The following SNCAIP variants were observed in gnomAD, a reference collection of about 807,000 sequenced individuals.
The protein encoded by SNCAIP is synuclein alpha interacting protein, also known as synphilin-1.
In SNCAIP, 43 loss-of-function variants were observed where a neutral mutation model predicts 86.7. The ratio of observed to expected loss-of-function variants is 0.50; its 90% confidence interval spans 0.39 to 0.64. The LOEUF is 0.64. SNCAIP is among the 30% of genes least tolerant of loss of function. SNCAIP has a pLI of 0.00. For synonymous variants in SNCAIP, 417 were observed against 427.2 expected, an observed-to-expected ratio of 0.98 and a Z score of 0.29; for missense variants, 981 against 1,103.1, an observed-to-expected ratio of 0.89 and a Z score of 1.57.
intron 1 of SNCAIP, chr5:122,336,732 C>G (rs981997481): frequency 6.6e-6 from 1 of 152,392 alleles, no homozygotes; most frequent in African/African-American, 2.4e-5. Flanking sequence ...TCCCAAGCAA[C>G]TAGGACCCCA....
intron 10 of SNCAIP, chr5:122,454,651 T>C (rs1467599739): frequency 6.5e-6 from 1 of 152,718 alleles, no homozygotes; most frequent in Non-Finnish European, 1.5e-5. Flanking sequence ...GGAATGTGTT[T>C]TCTGGTGCCT....
intron 1 of SNCAIP, among the ~76,000 whole-genome samples, chr5:122,331,237 A>G (rs961731601): frequency 1.3e-5 from 2 of 152,152 alleles, no homozygotes; most frequent in African/African-American, 4.8e-5. Context: ...AATGCACACA[A>G]TTTATTAAAA....
At chr5:122,407,109 A>C (rs1773162961) in intron 3 of SNCAIP, among the ~76,000 whole-genome samples, 1 of 152,218 alleles carries the variant, frequency 6.6e-6, no homozygotes, top group African/African-American at 2.4e-5. Flanking sequence ...TGAAGCTTAC[A>C]TTCTACTGGC....
intron 6 of SNCAIP, among the ~76,000 whole-genome samples, chr5:122,440,207 T>A (rs1014589683): frequency 3.9e-5 from 6 of 152,186 alleles, no homozygotes; most frequent in African/African-American, 1.4e-4. Flanking sequence ...AATTCAAGGT[T>A]TTATGGTAAC....
At chr5:122,452,189 C>A (rs911644690) in intron 10 of SNCAIP, among the ~76,000 whole-genome samples, 1 of 152,190 alleles carries the variant, frequency 6.6e-6, no homozygotes, top group Non-Finnish European at 1.5e-5. Flanking sequence ...GCTTGCCAGT[C>A]CACAGGGGAT....
intron 1 of SNCAIP, among the ~76,000 whole-genome samples, chr5:122,329,933 T>C (rs913624538): frequency 2.0e-4 from 30 of 152,062 alleles, no homozygotes; most frequent in Non-Finnish European, 4.3e-4. Flanking sequence ...AGCACCTGAT[T>C]TGAAGTCTAG....
At chr5:122,391,623 C>A (rs1364818305) in intron 2 of SNCAIP, among the ~76,000 whole-genome samples, 1 of 152,180 alleles carries the variant, frequency 6.6e-6, no homozygotes, top group African/African-American at 2.4e-5. Context: ...TAAAAAGAAT[C>A]TTTCCAATCA....
intron 10 of SNCAIP, among the ~76,000 whole-genome samples, chr5:122,455,693 A>G (rs1019806654): frequency 6.6e-6 from 1 of 152,232 alleles, no homozygotes; most frequent in African/African-American, 2.4e-5. Context: ...ATAAAGGAAA[A>G]ATAGGGACAA....
At chr5:122,338,117 T>A (rs1449055316) in intron 1 of SNCAIP, among the ~76,000 whole-genome samples, 1 of 152,248 alleles carries the variant, frequency 6.6e-6, no homozygotes, top group Non-Finnish European at 1.5e-5. Flanking sequence ...ACTTTATTCA[T>A]GTCTTCAGTT....
At chr5:122,392,452 G>C (rs2152843072) in intron 2 of SNCAIP, among the ~76,000 whole-genome samples, 1 of 151,978 alleles carries the variant, frequency 6.6e-6, no homozygotes, top group African/African-American at 2.4e-5. Context: ...AAGTCACTAT[G>C]CTTGACTTGG....
chr5:122,362,674 A>G (rs1482948607), intron 1 of SNCAIP, among the ~76,000 whole-genome samples: 3 of 152,194 alleles, frequency 2.0e-5, no homozygotes, highest in African/African-American at 7.2e-5. Flanking sequence ...ACACTTCACT[A>G]GATAATGAGA....
chr5:122,368,975 G>T (rs114175096), intron 1 of SNCAIP, among the ~76,000 whole-genome samples: 52 of 152,002 alleles, frequency 3.4e-4, no homozygotes, highest in African/African-American at 1.2e-3. Flanking sequence ...GTTTGCTCCC[G>T]GCCAGCGAAC....
At chr5:122,331,699 A>G (rs1755378072) in intron 1 of SNCAIP, among the ~76,000 whole-genome samples, 1 of 152,172 alleles carries the variant, frequency 6.6e-6, no homozygotes, top group South Asian at 2.1e-4. Context: ...CACATGGTGG[A>G]AGGGGCAAGC....
At chr5:122,384,044 G>T (rs940361944) in intron 1 of SNCAIP, among the ~76,000 whole-genome samples, 1 of 152,172 alleles carries the variant, frequency 6.6e-6, no homozygotes, top group Non-Finnish European at 1.5e-5. Context: ...ATCTCTCCAG[G>T]AAAGAAGGGT....
At chr5:122,453,223 T>A (rs980749420) in intron 10 of SNCAIP, among the ~76,000 whole-genome samples, 13 of 152,188 alleles carry the variant, frequency 8.5e-5, no homozygotes, top group Admixed American at 7.9e-4. Context: ...GCCAGAAGAA[T>A]CTGCTCAGTT....
At chr5:122,343,549 T>G (rs1304764888) in intron 1 of SNCAIP, among the ~76,000 whole-genome samples, 1 of 152,224 alleles carries the variant, frequency 6.6e-6, no homozygotes, top group Non-Finnish European at 1.5e-5. Flanking sequence ...GTTTTGTAAA[T>G]GAATCATCAC....
chr5:122,339,301 G>A (rs901412081), intron 1 of SNCAIP, among the ~76,000 whole-genome samples: 5 of 152,178 alleles, frequency 3.3e-5, no homozygotes, highest in Admixed American at 2.6e-4. Flanking sequence ...GTCAAAGAGA[G>A]ACCGAAGTCT....
chr5:122,448,690 TTATA>T lies in SNCAIP; in HGVS notation c.1593-1149_1593-1146del, dbSNP rs565021998. ...ATATATTATATATGTTATATATATA[TTATA>T]TATATTATATACATATATATAATAT... On this transcript the variant is annotated intron_variant, in intron 8 of 10. Coordinates refer to ENST00000261368, the MANE Select transcript of SNCAIP (RefSeq NM_005460.4). 4.5e-3 allele frequency among the ~76,000 whole-genome samples: 614 copies of T among 135,140 alleles called. 4 individuals are homozygous for T. The highest frequency in any genetic ancestry group is 0.015 in the African/African-American group (562 of 36,402). The allele number at this position is 135,140 out of a possible 152,430, so 88.7% of individuals were successfully genotyped here. A position where few individuals can be genotyped will look rare whatever the true frequency, so the allele number is the denominator to read the frequency against.
intron 3 of SNCAIP, among the ~76,000 whole-genome samples, chr5:122,411,697 C>T (rs571841526): frequency 4.6e-5 from 7 of 152,230 alleles, no homozygotes; most frequent in African/African-American, 1.2e-4. Flanking sequence ...TGCATCTCAC[C>T]GTATGATCCA....
Sources: allele counts gnomAD v4.1 joint callset (sites outside exome capture counted in the v4.1 genomes callset), GRCh38; gene constraint gnomAD v4.1.1; transcripts MANE v1.5; gene names NCBI Gene and HGNC (gene_info 2026-07-23, HGNC 2026-07-21).